Variants in MDN1 observed in about 807,000 individuals in gnomAD.
The protein encoded by MDN1 is midasin.
A neutral mutation model predicts 669.2 loss-of-function variants in MDN1; 266 were observed. The ratio of observed to expected loss-of-function variants is 0.40; its 90% CI spans 0.36 to 0.44. MDN1 has a LOEUF of 0.44. Among genes scored for constraint, MDN1 ranks in the 20% least tolerant of loss-of-function variants. The pLI, the probability that MDN1 is intolerant of heterozygous loss-of-function variation, is 1.00. For synonymous variants in MDN1, 2,385 were observed against 2,457.1 expected, an observed-to-expected ratio of 0.97 and a Z score of 0.87; for missense variants, 5,940 against 6,754.0, an observed-to-expected ratio of 0.88 and a Z score of 4.22.
chr6:89,753,973 G>A (rs1172859878), intron 21 of MDN1, 110 bp downstream of exon 21: 1 of 1,151,956 alleles, frequency 8.7e-7, no homozygotes, highest in Admixed American at 2.5e-5. Context: ...ATTATGGGCT[G>A]ATCTGACTAA....
At chr6:89,746,978 T>C (rs557233909) in intron 27 of MDN1, among the ~76,000 whole-genome samples, 2 of 152,232 alleles carry the variant, frequency 1.3e-5, no homozygotes, top group African/African-American at 2.4e-5. Context: ...GCTTTCTGTA[T>C]GTCTGTAAAG....
At position 89,787,783 on chromosome 6, in the gene MDN1, C is replaced by T; in HGVS notation, c.1334+71G>A. ...AGACCCAGAGAACTCTATTACAGGA[C>T]CTCTGGCTCAGCATGCAGACTTACG... is the stretch of plus-strand genomic sequence containing the variant. On this transcript the variant is annotated intron_variant, in intron 8 of 101. Coordinates refer to ENST00000369393, the MANE Select transcript of MDN1 (RefSeq NM_014611.3). 1.5e-5 allele frequency: 18 copies of T among 1,181,492 alleles called. 1 individual carries two copies. Among genetic ancestry groups the T allele is most frequent in the Non-Finnish European group, 1.8e-5 (15 of 812,968 alleles). 73.2% of individuals were successfully genotyped at this position (1,181,492 alleles called of 1,614,324 possible).
chr6:89,809,066 A>T (rs1768198499), intron 1 of MDN1, among the ~76,000 whole-genome samples: 1 of 151,656 alleles, frequency 6.6e-6, no homozygotes, highest in Admixed American at 6.6e-5. Context: ...AAAATACAAA[A>T]ATTAGCCGGA....
intron 90 of MDN1, among the ~76,000 whole-genome samples, chr6:89,657,359 AGTT>A (rs1394019528): frequency 2.0e-5 from 3 of 152,224 alleles, no homozygotes; most frequent in African/African-American, 7.2e-5. Flanking sequence ...AAGAGACTAA[AGTT>A]GTCCAGAATC....
At chr6:89,684,020 G>T in intron 71 of MDN1, 116 bp from the exon 72 acceptor site, 1 of 764,302 alleles carries the variant, frequency 1.3e-6, no homozygotes. Context: ...ACAGGACTGT[G>T]TGTCAGTGAA....
chr6:89,665,342 T>C (rs1292836274), intron 84 of MDN1, among the ~76,000 whole-genome samples: 1 of 152,138 alleles, frequency 6.6e-6, no homozygotes, highest in Non-Finnish European at 1.5e-5. Context: ...TATATGTTTC[T>C]ATATAATTGA....
At chr6:89,710,825 T>A in intron 49 of MDN1, 31 bp from the exon 50 acceptor site, 1 of 1,296,034 alleles carries the variant, frequency 7.7e-7, no homozygotes, top group Non-Finnish European at 1.1e-6. Context: ...AGTGTTAGAC[T>A]CTAAAGCAGT....
In MDN1 at chr6:89,673,701, CTAAATTTATTCCATTAATGA is replaced by C. The variant is rs572326661; in HGVS notation, c.13248-259_13248-240del. On this transcript the variant is annotated intron_variant, in intron 79 of 101. Transcript: ENST00000369393. ...CTAGGTTTAGTAATGGAATAAATTA[CTAAATTTATTCCATTAATGA>C]TAAATTTATTCCATTAATTTATTCC... 2.9e-3 allele frequency: 1,577 copies of C among 537,958 alleles called. 31 individuals carry two copies. Among genetic ancestry groups the C allele is most frequent in the African/African-American group, 0.027 (1,414 of 52,750 alleles). The allele number at this position is 537,958 out of a possible 1,614,324, so 33.3% of individuals were successfully genotyped here.
intron 93 of MDN1, 86 bp from the exon 94 acceptor site, chr6:89,653,241 A>T: frequency 2.3e-6 from 3 of 1,314,018 alleles, no homozygotes; most frequent in Non-Finnish European, 3.2e-6. Flanking sequence ...AATCCTGAAA[A>T]TTAATCAAAC....
chr6:89,743,410 G>A (rs1467840854), intron 30 of MDN1, 130 bp from the exon 31 acceptor site: 4 of 1,373,518 alleles, frequency 2.9e-6, no homozygotes, highest in Non-Finnish European at 3.0e-6. Context: ...ACAGGAGATA[G>A]AACTTGCACA....
At chr6:89,812,916 A>C (rs1392835142) in intron 1 of MDN1, among the ~76,000 whole-genome samples, 1 of 152,016 alleles carries the variant, frequency 6.6e-6, no homozygotes, top group East Asian at 1.9e-4. Flanking sequence ...CTGGGCAACA[A>C]AGTGAGACTC....
chr6:89,655,711 A>G (rs1809219375), intron 92 of MDN1, 53 bp downstream of exon 92: 5 of 1,486,454 alleles, frequency 3.4e-6, no homozygotes, highest in Middle Eastern at 2.1e-4. Context: ...ACATAGCACA[A>G]GCTCTCATAG....
chr6:89,766,893 T>A (rs910500009), intron 15 of MDN1, among the ~76,000 whole-genome samples: 1 of 152,242 alleles, frequency 6.6e-6, no homozygotes, highest in Non-Finnish European at 1.5e-5. Context: ...GCTTTATTAC[T>A]ATTTCTACAA....
rs1809766315 is a variant in MDN1, at chr6:89,661,527, C to T, written c.14617G>A (p.Val4873Met). ...AGGTCCAAAGCCTCGGGTTCTGGCA[C>T]CTTTTCCTGATTGCCATGGTAAGGG... is the stretch of plus-strand genomic sequence containing the variant. ...VDPYHGNQEKVPEPEALDLPD... is the reference protein window; with the variant it reads ...VDPYHGNQEKMPEPEALDLPD... Residue 4873 changes from valine to methionine, a missense_variant, in exon 88 of 102, where the codon GTG becomes ATG. By Grantham distance (21) the Val-to-Met change is conservative. Coordinates refer to ENST00000369393, the MANE Select transcript of MDN1 (RefSeq NM_014611.3). 1.2e-6 allele frequency: 2 copies of T among 1,614,168 alleles called. No homozygotes were observed. The highest frequency in any genetic ancestry group is 4.5e-5 in the East Asian group (2 of 44,884).
At chr6:89,728,413 C>T (rs937551297) in intron 36 of MDN1, among the ~76,000 whole-genome samples, 4 of 152,004 alleles carry the variant, frequency 2.6e-5, no homozygotes, top group South Asian at 4.1e-4. Flanking sequence ...AATTCTCTCT[C>T]GAAAGAGAAT....
Position 89,815,570 on chromosome 6 carries a change from C to T in MDN1, c.102+3936G>A, listed in dbSNP as rs187600016. 18 of 193,022 alleles carry T rather than the reference C, an allele frequency of 9.3e-5. No individual in the cohort carries two copies. In the East Asian group the frequency reaches 3.1e-3, roughly 33 times the overall value. The allele number at this position is 193,022 out of a possible 1,614,324, so 12.0% of individuals were successfully genotyped here. On this transcript the variant is annotated intron_variant, in intron 1 of 101. Coordinates refer to ENST00000369393, the MANE Select transcript of MDN1 (RefSeq NM_014611.3). Reference sequence around the variant, plus strand: ...CCCCCCTGCTCCAGCCACATCTGGACCCATCAGTGACTGCCTGCCACAGCC... The same window carrying T: ...CCCCCCTGCTCCAGCCACATCTGGATCCATCAGTGACTGCCTGCCACAGCC...
At chr6:89,688,219 C>T (rs367744077) in intron 66 of MDN1, 46 bp from the exon 67 acceptor site, 3 of 1,535,452 alleles carry the variant, frequency 2.0e-6, no homozygotes, top group Non-Finnish European at 2.7e-6. Flanking sequence ...TACCAGTGAT[C>T]CTAAGTCACA....
At chr6:89,686,689 C>T (rs1006218024) in intron 69 of MDN1, among the ~76,000 whole-genome samples, 1 of 152,186 alleles carries the variant, frequency 6.6e-6, no homozygotes, top group Non-Finnish European at 1.5e-5. Context: ...GACATTTAAA[C>T]CTCTCACACT....
chr6:89,728,052 G>T, intron 36 of MDN1, 97 bp from the exon 37 acceptor site: 1 of 1,386,492 alleles, frequency 7.2e-7, no homozygotes, highest in Middle Eastern at 1.9e-4. Flanking sequence ...CTTGGGGCTG[G>T]CACCACTACT....
Sources: allele counts gnomAD v4.1 joint callset (sites outside exome capture counted in the v4.1 genomes callset), GRCh38; gene constraint gnomAD v4.1.1; transcripts MANE v1.5; gene names NCBI Gene and HGNC (gene_info 2026-07-23, HGNC 2026-07-21).